The following CAPN13 variants were observed in gnomAD, a reference collection of about 807,000 sequenced individuals.
The protein encoded by CAPN13 is calpain-13.
A neutral mutation model predicts 98.4 loss-of-function variants in CAPN13; 90 were observed. The ratio of observed to expected loss-of-function variants is 0.92; its 90% CI spans 0.77 to 1.09. The LOEUF (loss-of-function observed/expected upper bound fraction) is 1.09, where lower values mean the gene tolerates loss of function less well. Ranked by LOEUF, CAPN13 falls within the 50% of genes least tolerant of loss-of-function variation. The pLI, the probability that CAPN13 is intolerant of heterozygous loss-of-function variation, is 0.00. For synonymous variants in CAPN13, 330 were observed against 305.5 expected (o/e 1.08, Z -0.84); for missense variants, 887 against 841.3 (o/e 1.05, Z -0.67).
chr2:30,741,381 T>C (rs756390956), intron 15 of CAPN13: 36 of 986,708 alleles, frequency 3.6e-5, no homozygotes, highest in Non-Finnish European at 4.3e-5. Flanking sequence ...TTATTAACGG[T>C]AAGAGGCTCA....
At chr2:30,779,561 G>A (rs566454767) in intron 2 of CAPN13, among the ~76,000 whole-genome samples, 1 of 152,228 alleles carries the variant, frequency 6.6e-6, no homozygotes, top group East Asian at 1.9e-4. Context: ...GTCTGACATA[G>A]TACATGTTCA....
chr2:30,734,108 T>A (rs768327683), intron 19 of CAPN13, among the ~76,000 whole-genome samples: 1 of 152,240 alleles, frequency 6.6e-6, no homozygotes, highest in East Asian at 1.9e-4. Flanking sequence ...TTAACCCTGA[T>A]GGCCCAGATA....
chr2:30,756,278 C>A (rs1248239262), intron 8 of CAPN13, among the ~76,000 whole-genome samples: 1 of 152,090 alleles, frequency 6.6e-6, no homozygotes, highest in East Asian at 1.9e-4. Flanking sequence ...CTTGTTGGCC[C>A]GGAACAGACT....
intron 10 of CAPN13, 95 bp from the exon 11 acceptor site, chr2:30,751,346 T>C (rs1672168318): frequency 1.5e-6 from 2 of 1,372,130 alleles, no homozygotes; most frequent in Non-Finnish European, 2.0e-6. Context: ...GGGGTTGTGT[T>C]GTGAACTCTG....
chr2:30,795,459 G>C (rs1674810970), intron 1 of CAPN13, among the ~76,000 whole-genome samples: 1 of 152,022 alleles, frequency 6.6e-6, no homozygotes, highest in Non-Finnish European at 1.5e-5. Context: ...CCCATCACGT[G>C]GGAGTAGGTG....
At chr2:30,800,176 G>C (rs1675179899) in intron 1 of CAPN13, among the ~76,000 whole-genome samples, 1 of 150,324 alleles carries the variant, frequency 6.7e-6, no homozygotes, top group Non-Finnish European at 1.5e-5. Context: ...AAGAAAGAAA[G>C]AAAGAAAGAA....
intron 11 of CAPN13, among the ~76,000 whole-genome samples, chr2:30,749,921 TA>T (rs974454329): frequency 1.3e-5 from 2 of 151,876 alleles, no homozygotes; most frequent in Non-Finnish European, 2.9e-5. Flanking sequence ...AAATGATATT[TA>T]AAAAAAATGA....
intron 1 of CAPN13, among the ~76,000 whole-genome samples, chr2:30,789,006 TACAA>T (rs1191325471): frequency 6.6e-6 from 1 of 152,240 alleles, no homozygotes; most frequent in African/African-American, 2.4e-5. Flanking sequence ...AATGGTTAAA[TACAA>T]ACAGCTCTGT....
At position 30,743,485 on chromosome 2, in the gene CAPN13, G is replaced by C. The variant is rs1281712201; in HGVS notation, c.1343C>G (p.Thr448Ser). 8 of 1,613,866 alleles carry C rather than the reference G, an allele frequency of 5.0e-6. No homozygotes were observed. Among genetic ancestry groups the C allele is most frequent in the Non-Finnish European group, 3.4e-6 (4 of 1,179,868 alleles). Residue 448 changes from threonine (T) to serine (S), a missense_variant, in exon 13 of 23, where the codon ACT becomes AGT. Thr to Ser is a moderately conservative substitution (Grantham distance 58). Coordinates refer to ENST00000295055, the MANE Select transcript of CAPN13 (RefSeq NM_144575.3). ...ATAGTTCCCAGGGCTCAGATGGTAA[G>C]TCATGGTGAAGTTGCGGCGGAATTT... ...NNKFRRNFTM[T>S]YHLSPGNYVV...
At chr2:30,728,442 C>T (rs1274422726) in intron 22 of CAPN13, among the ~76,000 whole-genome samples, 2 of 151,672 alleles carry the variant, frequency 1.3e-5, no homozygotes. Flanking sequence ...AATATGGGAA[C>T]CCAACTGGGC....
chr2:30,738,260 C>T lies in CAPN13; in HGVS notation c.1628G>A (p.Cys543Tyr), dbSNP rs1479299497. The change falls in exon 17 of 23, where the codon TGC becomes TAC. Residue 543 changes from cysteine (C) to tyrosine (Y), a missense_variant. By Grantham distance (194) the Cys-to-Tyr change is radical. Transcript: ENST00000295055. ...TTCCATCAGAGCCACCAAGCTGCGG[C>T]ACTCATCTAAGGAGAACATGTCCCC... ...PPGDMFSLDE[C>Y]RSLVALMELK... is the part of the protein sequence containing the mutation. 1 of 1,613,958 alleles carries T rather than the reference C, an allele frequency of 6.2e-7. No individual in the cohort carries two copies. Among genetic ancestry groups the T allele is most frequent in the Non-Finnish European group, 8.5e-7 (1 of 1,179,876 alleles).
At chr2:30,784,679 T>A (rs1674170361) in intron 2 of CAPN13, among the ~76,000 whole-genome samples, 1 of 152,156 alleles carries the variant, frequency 6.6e-6, no homozygotes, top group South Asian at 2.1e-4. Flanking sequence ...TCATGTAACA[T>A]GGTGTTAGGA....
chr2:30,751,315 G>A, intron 10 of CAPN13, 64 bp from the exon 11 acceptor site: 1 of 1,571,492 alleles, frequency 6.4e-7, no homozygotes, highest in Non-Finnish European at 8.7e-7. Flanking sequence ...GCAGGGCCAT[G>A]TCCAGTGCAG....
At chr2:30,731,237 C>A in intron 21 of CAPN13, 107 bp downstream of exon 21, 1 of 1,030,860 alleles carries the variant, frequency 9.7e-7, no homozygotes, top group South Asian at 1.8e-5. Flanking sequence ...CTTGGCTGGC[C>A]TTTGACAGAC....
intron 5 of CAPN13, among the ~76,000 whole-genome samples, chr2:30,769,357 C>T (rs1002977467): frequency 6.6e-6 from 1 of 152,160 alleles, no homozygotes; most frequent in Non-Finnish European, 1.5e-5. Context: ...TGGATCCCCA[C>T]ATGCTGGCGA....
rs756462915 is a variant in CAPN13, at chr2:30,736,498, C to A, written c.1722+5G>T. The A allele has an allele frequency of 2.5e-6, 4 of 1,613,702 alleles. No individual in the cohort carries two copies. Among genetic ancestry groups the A allele is most frequent in the African/African-American group, 1.3e-5 (1 of 74,912 alleles). Reference sequence around the variant, plus strand: ...GAGTGCTAGTCACAGAGAATGTGCCCGTACCTGGTAGTGAACAAGGCGCTT... The same window carrying A: ...GAGTGCTAGTCACAGAGAATGTGCCAGTACCTGGTAGTGAACAAGGCGCTT... On this transcript the variant is annotated splice_donor_5th_base_variant and intron_variant, in intron 18 of 22. Coordinates refer to ENST00000295055, the MANE Select transcript of CAPN13 (RefSeq NM_144575.3).
At chr2:30,736,346 C>G (rs940626508) in intron 18 of CAPN13, among the ~76,000 whole-genome samples, 157 bp downstream of exon 18, 2 of 152,190 alleles carry the variant, frequency 1.3e-5, no homozygotes, top group African/African-American at 4.8e-5. Context: ...TGGAGTTGCA[C>G]TATGTCTCCC....
At chr2:30,763,987 A>G (rs17396613) in intron 6 of CAPN13, 145 bp downstream of exon 6, 46,722 of 773,296 alleles carry the variant, frequency 0.06, 1,685 homozygotes, top group Non-Finnish European at 0.072. Flanking sequence ...GCAGGGTTCA[A>G]TGGGGTGACC....
chr2:30,751,241 C>T lies in CAPN13; in HGVS notation c.1098G>A (p.Arg366=), dbSNP rs1177335967. 1 of 1,613,832 alleles carries T rather than the reference C, an allele frequency of 6.2e-7. No individual in the cohort carries two copies. Among genetic ancestry groups the T allele is most frequent in the Non-Finnish European group, 8.5e-7 (1 of 1,179,808 alleles). The change falls in exon 11 of 23, where the codon CGG becomes CGA. Residue 366 remains arginine, a synonymous_variant. Transcript: ENST00000295055. The part of the protein sequence containing the change: ...VILGNTAGGP[R]NDAQFNFSVQ... ...CAGAGAAGTTGAATTGAGCATCATTCCGAGGTCCTCCTGCATCAGAAAGAG... is the reference window on the plus strand; with the variant it reads ...CAGAGAAGTTGAATTGAGCATCATTTCGAGGTCCTCCTGCATCAGAAAGAG...
Sources: gnomAD v4.1 joint callset for allele counts (sites outside exome capture counted in the v4.1 genomes callset) on GRCh38, gnomAD v4.1.1 for gene constraint, MANE v1.5 for transcripts, NCBI Gene and HGNC (gene_info 2026-07-23, HGNC 2026-07-21) for gene names.